ATP8B4: variants seen among roughly 807,000 people sequenced by gnomAD.
ATP8B4 encodes ATPase phospholipid transporting 8B4 (putative).
ATP8B4 carries 133 observed loss-of-function variants against 145.6 expected under a neutral mutation model. The observed-to-expected ratio is 0.91, with a 90% CI of 0.79 to 1.05. The LOEUF is 1.05. Ranked by LOEUF, ATP8B4 falls within the 50% of genes least tolerant of loss-of-function variation. The pLI, the probability that ATP8B4 is intolerant of heterozygous loss-of-function variation, is 0.00. For missense variants in ATP8B4, 1,458 were observed against 1,425.2 expected (o/e 1.02, Z -0.37); for synonymous variants, 507 against 492.9 (o/e 1.03, Z -0.38).
chr15:49,904,219 C>T (rs575962506), intron 20 of ATP8B4, among the ~76,000 whole-genome samples: 1 of 152,276 alleles, frequency 6.6e-6, no homozygotes, highest in Non-Finnish European at 1.5e-5. Flanking sequence ...GCTGGAGGGA[C>T]AGTTTTAAGG....
Position 49,917,433 on chromosome 15 carries a change from T to G in ATP8B4, c.2036-394A>C, listed in dbSNP as rs540150440. Among the ~76,000 whole-genome samples the G allele has an allele frequency of 7.9e-5, 12 of 152,306 alleles. No homozygotes were observed. The East Asian group carries it at 1.3e-3, about 17-fold the overall frequency. On this transcript the variant is annotated intron_variant, in intron 19 of 27. Coordinates refer to ENST00000284509, the MANE Select transcript of ATP8B4 (RefSeq NM_024837.4). ...GATAAACTACTAAACTTAGCCAATATTTAATTCTGAAATGGAAGACAATTT... is the reference window on the plus strand; with the variant it reads ...GATAAACTACTAAACTTAGCCAATAGTTAATTCTGAAATGGAAGACAATTT...
rs761510117 is a variant in ATP8B4, at chr15:49,987,428, T to A, written c.711A>T (p.Arg237Ser). 2.5e-6 allele frequency: 4 copies of A among 1,613,868 alleles called. 1 individual carries two copies. In the South Asian group the frequency reaches 4.4e-5, roughly 18 times the overall value. ...EKIILRGCILRNTSWCFGMVI... is the reference protein window; with the variant it reads ...EKIILRGCILSNTSWCFGMVI... Reference sequence around the variant, plus strand: ...CCATTCCAAAACACCAGCTGGTATTTCTCAGGATGCAGCCTCTCAGGATTA... The same window carrying A: ...CCATTCCAAAACACCAGCTGGTATTACTCAGGATGCAGCCTCTCAGGATTA... The change falls in exon 10 of 28, where the codon AGA (arginine) becomes AGT (serine). Residue 237 changes from arginine (R) to serine (S), a missense_variant. Physicochemically the swap from Arg to Ser is moderately radical, Grantham distance 110 (BLOSUM62 -1). Coordinates refer to ENST00000284509, the MANE Select transcript of ATP8B4 (RefSeq NM_024837.4).
At chr15:50,075,204 G>C (rs537548285) in intron 2 of ATP8B4, among the ~76,000 whole-genome samples, 10 of 152,198 alleles carry the variant, frequency 6.6e-5, no homozygotes, top group Non-Finnish European at 1.3e-4. Context: ...GTTGGGGATG[G>C]AGGAGGGAAG....
chr15:49,996,503 T>A (rs545960061), intron 9 of ATP8B4, among the ~76,000 whole-genome samples, 174 bp downstream of exon 9: 1 of 152,278 alleles, frequency 6.6e-6, no homozygotes, highest in African/African-American at 2.4e-5. Context: ...CATTCTCTCC[T>A]TGGCAAACAT....
intron 27 of ATP8B4, among the ~76,000 whole-genome samples, chr15:49,861,194 A>G (rs1450960803): frequency 1.3e-5 from 2 of 152,134 alleles, no homozygotes; most frequent in Non-Finnish European, 2.9e-5. Context: ...GGAGAAAACC[A>G]TCAAGCAGAA....
intron 1 of ATP8B4, among the ~76,000 whole-genome samples, chr15:50,159,397 G>A (rs553401453): frequency 6.6e-6 from 1 of 152,232 alleles, no homozygotes; most frequent in East Asian, 1.9e-4. Flanking sequence ...TTTTTTAGCC[G>A]AGTCTTTAGG....
intron 25 of ATP8B4, among the ~76,000 whole-genome samples, 193 bp from the exon 26 acceptor site, chr15:49,866,677 T>C (rs1274475322): frequency 2.0e-5 from 3 of 152,186 alleles, no homozygotes; most frequent in African/African-American, 4.8e-5. Flanking sequence ...TGGTAGAAAA[T>C]TGACTTTAGA....
chr15:50,041,529 G>A (rs895460793), intron 5 of ATP8B4, among the ~76,000 whole-genome samples: 2 of 152,194 alleles, frequency 1.3e-5, no homozygotes, highest in Non-Finnish European at 2.9e-5. Context: ...TCTATAAGAA[G>A]AGACCCCAAA....
At chr15:49,887,906 G>C (rs2036383384) in intron 23 of ATP8B4, among the ~76,000 whole-genome samples, 1 of 152,166 alleles carries the variant, frequency 6.6e-6, no homozygotes, top group Admixed American at 6.5e-5. Context: ...CAGCTGCAAA[G>C]GGCTTTCTCT....
intron 7 of ATP8B4, among the ~76,000 whole-genome samples, chr15:50,004,288 T>C (rs1341963505): frequency 4.0e-4 from 61 of 152,316 alleles, no homozygotes; most frequent in Non-Finnish European, 4.4e-5. Context: ...CTCATTGTCA[T>C]GCAGGCAGGC....
In ATP8B4 at chr15:50,075,777, C is replaced by T. The variant is rs1027107230; in HGVS notation, c.29-1592G>A. On this transcript the variant is annotated intron_variant, in intron 2 of 27. Coordinates refer to ENST00000284509, the MANE Select transcript of ATP8B4 (RefSeq NM_024837.4). ...CACCATCCTGTCTTTCTTGCTGATG[C>T]CCCAACAAAGAATTAAAACATCAAA... 2.6e-5 allele frequency among the ~76,000 whole-genome samples: 4 copies of T among 152,148 alleles called. No individual in the cohort carries two copies. In the South Asian group the frequency reaches 6.2e-4, roughly 24 times the overall value.
intron 20 of ATP8B4, among the ~76,000 whole-genome samples, chr15:49,906,306 G>C (rs570093637): frequency 2.0e-5 from 3 of 152,176 alleles, no homozygotes; most frequent in Non-Finnish European, 4.4e-5. Flanking sequence ...ATGCGTATGT[G>C]TAATTTTGAA....
chr15:49,990,842 T>C (rs1449676383), intron 9 of ATP8B4, among the ~76,000 whole-genome samples: 1 of 152,188 alleles, frequency 6.6e-6, no homozygotes, highest in East Asian at 1.9e-4. Context: ...AACATCAATA[T>C]TGCTGTTCAA....
chr15:50,046,480 C>T lies in ATP8B4; in HGVS notation c.201+871G>A, dbSNP rs114223404. On this transcript the variant is annotated intron_variant, in intron 4 of 27. Coordinates refer to ENST00000284509, the MANE Select transcript of ATP8B4 (RefSeq NM_024837.4). ...ATTGTGCCCATGAATCCAGTAATAC[C>T]TGAAATGAGATACCCATGAATAATT... 8.5e-3 allele frequency among the ~76,000 whole-genome samples: 1,296 copies of T among 152,312 alleles called. 21 individuals carry two copies. The highest frequency in any genetic ancestry group is 0.03 in the African/African-American group (1,241 of 41,552).
intron 1 of ATP8B4, among the ~76,000 whole-genome samples, chr15:50,154,219 AC>A (rs2044384659): frequency 6.6e-6 from 1 of 152,146 alleles, no homozygotes; most frequent in Non-Finnish European, 1.5e-5. Flanking sequence ...AATTTATCAC[AC>A]AGGATTCTTT....
At chr15:49,908,145 C>G in intron 20 of ATP8B4, 1 of 455,200 alleles carries the variant, frequency 2.2e-6, no homozygotes. Context: ...TGTGTACTGC[C>G]TACAATACTC....
chr15:50,181,273 T>G (rs74493591), intron 1 of ATP8B4, among the ~76,000 whole-genome samples: 45 of 152,300 alleles, frequency 3.0e-4, no homozygotes, highest in Non-Finnish European at 1.2e-4. Flanking sequence ...ATCCTGACCC[T>G]CCTCAGTGGC....
intron 23 of ATP8B4, among the ~76,000 whole-genome samples, chr15:49,885,353 C>T (rs1052641153): frequency 4.6e-5 from 7 of 152,194 alleles, no homozygotes; most frequent in Admixed American, 6.5e-5. Flanking sequence ...AGACCTTTTA[C>T]ATTACCAAGT....
intron 6 of ATP8B4, among the ~76,000 whole-genome samples, chr15:50,033,679 T>C (rs184551810): frequency 2.0e-5 from 3 of 152,328 alleles, no homozygotes; most frequent in South Asian, 4.1e-4. Flanking sequence ...GGCATAGTAC[T>C]CAATAGGTAG....
Sources: allele counts gnomAD v4.1 joint callset (sites outside exome capture counted in the v4.1 genomes callset), GRCh38; gene constraint gnomAD v4.1.1; transcripts MANE v1.5; gene names NCBI Gene and HGNC (gene_info 2026-07-23, HGNC 2026-07-21).